Variants in AUTS2 observed in about 807,000 individuals in gnomAD.
The protein encoded by AUTS2 is activator of transcription and developmental regulator AUTS2.
AUTS2 carries 17 observed loss-of-function variants against 112.4 expected under a neutral mutation model. The ratio of observed to expected loss-of-function variants is 0.15; its 90% CI spans 0.10 to 0.23. The LOEUF (loss-of-function observed/expected upper bound fraction) is 0.23. Ranked by LOEUF, AUTS2 falls within the 10% of genes least tolerant of loss-of-function variation. AUTS2 has a pLI of 1.00. For synonymous variants in AUTS2, 751 were observed against 702.7 expected, an observed-to-expected ratio of 1.07 and a Z score of -1.09; for missense variants, 1,510 against 1,701.6, an observed-to-expected ratio of 0.89 and a Z score of 1.98.
chr7:69,804,186 T>C (rs937960945), intron 1 of AUTS2, among the ~76,000 whole-genome samples: 1 of 152,180 alleles, frequency 6.6e-6, no homozygotes, highest in African/African-American at 2.4e-5. Flanking sequence ...CAGTGACAGA[T>C]AGGAGGAAGA....
chr7:70,777,052 G>T lies in AUTS2; in HGVS notation c.1933-51G>T, dbSNP rs780023948. ...GAAAGCTTTGGGGAAATTGAAGGTG[G>T]TTTTCTCTGAAATGTCTTCCTCCTA... On this transcript the variant is annotated intron_variant, in intron 13 of 18. Transcript: ENST00000342771. 5.1e-6 allele frequency: 8 copies of T among 1,577,684 alleles called. 1 individual carries two copies. The South Asian group carries it at 8.9e-5, about 17-fold the overall frequency.
chr7:69,761,929 T>A (rs972674930), intron 1 of AUTS2, among the ~76,000 whole-genome samples: 1 of 152,228 alleles, frequency 6.6e-6, no homozygotes, highest in Non-Finnish European at 1.5e-5. Context: ...GAATGCTGTT[T>A]TTTATTCATT....
At chr7:70,219,247 G>T (rs564020509) in intron 4 of AUTS2, among the ~76,000 whole-genome samples, 1 of 152,168 alleles carries the variant, frequency 6.6e-6, no homozygotes, top group Non-Finnish European at 1.5e-5. Flanking sequence ...AAGACACAAT[G>T]AGCATCAAGC....
chr7:69,950,861 G>A (rs920482935), intron 2 of AUTS2, among the ~76,000 whole-genome samples: 4 of 152,010 alleles, frequency 2.6e-5, no homozygotes, highest in East Asian at 1.9e-4. Context: ...GGTCGGGTGC[G>A]GTGGCTTACG....
intron 5 of AUTS2, among the ~76,000 whole-genome samples, chr7:70,600,737 T>C (rs1488818501): frequency 6.6e-6 from 1 of 152,256 alleles, no homozygotes; most frequent in East Asian, 1.9e-4. Flanking sequence ...ATCTGCTTTC[T>C]GTCACTGTGA....
chr7:69,842,997 G>A (rs1312984932), intron 1 of AUTS2, among the ~76,000 whole-genome samples: 1 of 152,148 alleles, frequency 6.6e-6, no homozygotes, highest in Non-Finnish European at 1.5e-5. Flanking sequence ...GTTGTAGGCT[G>A]ATAATGGAGT....
intron 4 of AUTS2, among the ~76,000 whole-genome samples, chr7:70,172,399 G>A (rs1808750274): frequency 1.3e-5 from 2 of 152,164 alleles, no homozygotes; most frequent in South Asian, 2.1e-4. Flanking sequence ...ATTAAAGAAC[G>A]TTCTTTCATG....
chr7:70,481,900 T>G (rs1218698636), intron 5 of AUTS2, among the ~76,000 whole-genome samples: 1 of 152,154 alleles, frequency 6.6e-6, no homozygotes, highest in African/African-American at 2.4e-5. Flanking sequence ...CACAAAAAAG[T>G]GCTCTATACT....
At chr7:70,191,161 CTTT>C (rs34637651) in intron 4 of AUTS2, among the ~76,000 whole-genome samples, 3,256 of 85,884 alleles carry the variant, frequency 0.038, 15 homozygotes, top group Middle Eastern at 0.087. Flanking sequence ...CCACTTATTT[CTTT>C]TTTTTTTTTT....
At chr7:69,823,546 G>A (rs780298845) in intron 1 of AUTS2, among the ~76,000 whole-genome samples, 2 of 152,158 alleles carry the variant, frequency 1.3e-5, no homozygotes, top group Non-Finnish European at 2.9e-5. Context: ...GTTAACACAG[G>A]TCTTTTCAGC....
chr7:69,915,408 G>A (rs1173535465), intron 2 of AUTS2, among the ~76,000 whole-genome samples: 4 of 152,074 alleles, frequency 2.6e-5, no homozygotes, highest in Non-Finnish European at 4.4e-5. Flanking sequence ...TTTCACTCAG[G>A]TGCAATTTAC....
chr7:70,710,196 G>T (rs184722284), intron 6 of AUTS2, among the ~76,000 whole-genome samples: 1 of 147,858 alleles, frequency 6.8e-6, no homozygotes, highest in East Asian at 2.0e-4. Context: ...CTGTCATTTG[G>T]ACCACTTCCT....
intron 2 of AUTS2, among the ~76,000 whole-genome samples, chr7:69,910,780 AC>A (rs375213017): frequency 0.01 from 1,555 of 152,230 alleles, 39 homozygotes; most frequent in African/African-American, 0.035. Flanking sequence ...GGCACCTGCC[AC>A]CACGCCCAGC....
chr7:70,670,020 G>A (rs188318656), intron 5 of AUTS2, among the ~76,000 whole-genome samples: 106 of 152,286 alleles, frequency 7.0e-4, no homozygotes, highest in African/African-American at 2.4e-3. Flanking sequence ...CAAAACAGAG[G>A]TTTGGCGCTA....
At chr7:70,535,026 C>T (rs896010343) in intron 5 of AUTS2, among the ~76,000 whole-genome samples, 2 of 130,992 alleles carry the variant, frequency 1.5e-5, no homozygotes, top group African/African-American at 6.0e-5. Context: ...CTATCACCAT[C>T]TATTTCATAA....
intron 2 of AUTS2, among the ~76,000 whole-genome samples, chr7:69,921,704 GTGAGCC>G (rs1247587352): frequency 6.7e-6 from 1 of 148,198 alleles, no homozygotes; most frequent in East Asian, 2.0e-4. Flanking sequence ...CCAGGAGGCA[GTGAGCC>G]GAGATCACAC....
chr7:70,380,263 C>A (rs747389101), intron 4 of AUTS2, among the ~76,000 whole-genome samples: 1 of 152,128 alleles, frequency 6.6e-6, no homozygotes, highest in Non-Finnish European at 1.5e-5. Context: ...AAAGTTAGTG[C>A]AAATACTGGA....
At chr7:69,875,146 T>C (rs958039642) in intron 1 of AUTS2, among the ~76,000 whole-genome samples, 2 of 152,136 alleles carry the variant, frequency 1.3e-5, no homozygotes, top group Non-Finnish European at 2.9e-5. Context: ...ATGAGCTTTT[T>C]GCTCTCTTTT....
At chr7:69,834,147 A>G (rs796594745) in intron 1 of AUTS2, among the ~76,000 whole-genome samples, 4 of 151,994 alleles carry the variant, frequency 2.6e-5, no homozygotes, top group East Asian at 1.9e-4. Context: ...CTGCACCTCT[A>G]CGTCACTCTT....
Sources: allele counts gnomAD v4.1 joint callset (sites outside exome capture counted in the v4.1 genomes callset), GRCh38; gene constraint gnomAD v4.1.1; transcripts MANE v1.5; gene names NCBI Gene and HGNC (gene_info 2026-07-23, HGNC 2026-07-21).